The following SORCS2 variants were observed in gnomAD, a reference collection of about 807,000 sequenced individuals.
SORCS2 encodes VPS10 domain-containing receptor SorCS2.
In SORCS2, 100 loss-of-function variants were observed where a neutral mutation model predicts 141.6. The ratio of observed to expected loss-of-function variants is 0.71; its 90% CI spans 0.60 to 0.83. SORCS2 has a LOEUF of 0.83. Ranked by LOEUF, SORCS2 falls within the 40% of genes least tolerant of loss-of-function variation. SORCS2 has a pLI of 0.00. For missense variants in SORCS2, 1,646 were observed against 1,560.2 expected (o/e 1.05, Z -0.93); for synonymous variants, 789 against 676.9 (o/e 1.17, Z -2.57).
chr4:7,486,817 G>C (rs1384447307), intron 2 of SORCS2, among the ~76,000 whole-genome samples: 2 of 152,150 alleles, frequency 1.3e-5, no homozygotes, highest in East Asian at 1.9e-4. Context: ...TCTCTCGTGA[G>C]GACACATGTG....
intron 1 of SORCS2, among the ~76,000 whole-genome samples, chr4:7,218,235 C>T (rs1041219612): frequency 3.9e-5 from 6 of 152,128 alleles, no homozygotes; most frequent in African/African-American, 9.7e-5. Flanking sequence ...TGCACTTGGC[C>T]GGCTCACCTC....
At chr4:7,333,054 G>A (rs758422127) in intron 1 of SORCS2, among the ~76,000 whole-genome samples, 26 of 152,224 alleles carry the variant, frequency 1.7e-4, no homozygotes, top group Non-Finnish European at 3.1e-4. Context: ...TATTCACAGA[G>A]TGTGTAGCTT....
Position 7,481,501 on chromosome 4 carries a change from C to A in SORCS2, c.549-50029C>A, listed in dbSNP as rs112424391. On this transcript the variant is annotated intron_variant, in intron 2 of 26. Transcript: ENST00000507866. ...GATCTGGACATGTGGAGTCGGCATC[C>A]GGCAGGGATCAAGGGCTCTGGAGAG... Among the ~76,000 whole-genome samples, 1,369 of 152,232 alleles carry A rather than the reference C, an allele frequency of 9.0e-3. 19 individuals are homozygous for A. The highest frequency in any genetic ancestry group is 0.032 in the African/African-American group (1,311 of 41,532).
chr4:7,711,079 T>G (rs757243), intron 14 of SORCS2, among the ~76,000 whole-genome samples: 1 of 152,122 alleles, frequency 6.6e-6, no homozygotes, highest in African/African-American at 2.4e-5. Context: ...GCAGGGTCCC[T>G]GGGGGGAAGG....
intron 18 of SORCS2, among the ~76,000 whole-genome samples, chr4:7,722,350 G>T (rs768852448): frequency 6.6e-6 from 1 of 152,194 alleles, no homozygotes; most frequent in African/African-American, 2.4e-5. Context: ...AGCCTCCTGG[G>T]TCCTGGGCTT....
Position 7,206,570 on chromosome 4 carries a change from A to T in SORCS2, c.480+13444A>T, listed in dbSNP as rs185414243. On this transcript the variant is annotated intron_variant, in intron 1 of 26. Coordinates refer to ENST00000507866, the MANE Select transcript of SORCS2 (RefSeq NM_020777.3). Reference sequence around the variant, plus strand: ...GGGATTATGGCACATATCTGCAGAGAAAAGAGCTGGCTGCCAGAGAGACAG... The same window carrying T: ...GGGATTATGGCACATATCTGCAGAGTAAAGAGCTGGCTGCCAGAGAGACAG... 1.6e-4 allele frequency among the ~76,000 whole-genome samples: 25 copies of T among 152,232 alleles called. No individual in the cohort carries two copies. The East Asian group carries it at 4.6e-3, about 28-fold the overall frequency.
chr4:7,337,880 C>G (rs1257498764), intron 1 of SORCS2, among the ~76,000 whole-genome samples: 5 of 152,186 alleles, frequency 3.3e-5, no homozygotes, highest in Admixed American at 1.3e-4. Flanking sequence ...CCCACACATG[C>G]TCCCACATGC....
intron 1 of SORCS2, among the ~76,000 whole-genome samples, chr4:7,379,487 T>C (rs1047623202): frequency 4.6e-5 from 7 of 152,232 alleles, no homozygotes; most frequent in Non-Finnish European, 8.8e-5. Context: ...GGCTGTTGGC[T>C]GGGCTGCTGC....
chr4:7,365,083 C>G (rs1161726910), intron 1 of SORCS2, among the ~76,000 whole-genome samples: 2 of 152,244 alleles, frequency 1.3e-5, no homozygotes, highest in Non-Finnish European at 2.9e-5. Flanking sequence ...CAGCCCATCA[C>G]AAGGGTTCTT....
At chr4:7,370,172 G>A (rs1722158073) in intron 1 of SORCS2, among the ~76,000 whole-genome samples, 1 of 152,184 alleles carries the variant, frequency 6.6e-6, no homozygotes, top group African/African-American at 2.4e-5. Flanking sequence ...TCTTCCTGGG[G>A]GAGACTGTGC....
chr4:7,504,382 G>C (rs1480606096), intron 2 of SORCS2, among the ~76,000 whole-genome samples: 2 of 152,248 alleles, frequency 1.3e-5, no homozygotes, highest in African/African-American at 2.4e-5. Context: ...GCCCGAGAGT[G>C]GGGGAAGTGG....
At chr4:7,650,723 C>CTG (rs1243279827) in intron 4 of SORCS2, among the ~76,000 whole-genome samples, 2 of 72,858 alleles carry the variant, frequency 2.7e-5, no homozygotes, top group Non-Finnish European at 5.3e-5. Flanking sequence ...TCTCCCCGCC[C>CTG]CGCCCAGCCC....
chr4:7,705,665 C>T (rs551538040), intron 14 of SORCS2, among the ~76,000 whole-genome samples: 1 of 152,284 alleles, frequency 6.6e-6, no homozygotes, highest in East Asian at 1.9e-4. Flanking sequence ...TGGGACTACA[C>T]TCTGGCTGGG....
At chr4:7,302,378 C>T (rs1717490108) in intron 1 of SORCS2, among the ~76,000 whole-genome samples, 1 of 152,242 alleles carries the variant, frequency 6.6e-6, no homozygotes, top group South Asian at 2.1e-4. Context: ...CGACCGGATC[C>T]TCCATGCTGG....
chr4:7,724,354 GTGGTAGTAATGGTGATGAT>G (rs1726889141), intron 19 of SORCS2, among the ~76,000 whole-genome samples: 1 of 149,136 alleles, frequency 6.7e-6, no homozygotes, highest in African/African-American at 2.5e-5. Context: ...GGTAACAGTA[GTGGTAGTAATGGTGATGAT>G]GGTGGTGATA....
intron 2 of SORCS2, among the ~76,000 whole-genome samples, chr4:7,415,910 G>A (rs1384833119): frequency 6.6e-6 from 1 of 152,236 alleles, no homozygotes; most frequent in Non-Finnish European, 1.5e-5. Flanking sequence ...GGGCAATTGG[G>A]CATTTCAGAG....
At chr4:7,568,011 T>C (rs912189640) in intron 3 of SORCS2, among the ~76,000 whole-genome samples, 1 of 152,232 alleles carries the variant, frequency 6.6e-6, no homozygotes, top group Non-Finnish European at 1.5e-5. Context: ...CCTTGCTTTC[T>C]GGCGCTACAA....
chr4:7,424,723 C>T (rs539954113), intron 2 of SORCS2, among the ~76,000 whole-genome samples: 91 of 152,184 alleles, frequency 6.0e-4, no homozygotes, highest in Non-Finnish European at 1.0e-3. Context: ...GCAGTGAGGG[C>T]GTGCGGGCAC....
chr4:7,690,291 T>C (rs761794240), intron 11 of SORCS2, among the ~76,000 whole-genome samples: 2 of 123,028 alleles, frequency 1.6e-5, no homozygotes, highest in Non-Finnish European at 3.2e-5. Context: ...TGATGCATGA[T>C]GGATGGATGA....
Sources: gnomAD v4.1 joint callset for allele counts (sites outside exome capture counted in the v4.1 genomes callset) on GRCh38, gnomAD v4.1.1 for gene constraint, MANE v1.5 for transcripts, NCBI Gene and HGNC (gene_info 2026-07-23, HGNC 2026-07-21) for gene names.